The following MARK1 variants were observed in gnomAD, a reference collection of about 807,000 sequenced individuals.
MARK1 encodes serine/threonine-protein kinase MARK1.
In MARK1, 40 loss-of-function variants were observed where a neutral mutation model predicts 96.3. That is an observed-to-expected ratio of 0.42 (90% CI 0.32 to 0.54). MARK1 has a LOEUF of 0.54. Among genes scored for constraint, MARK1 ranks in the 20% least tolerant of loss-of-function variants. The pLI, the probability that MARK1 is intolerant of heterozygous loss-of-function variation, is 0.16. For missense variants in MARK1, 719 were observed against 984.6 expected (o/e 0.73, Z 3.61); for synonymous variants, 317 against 341.2 (o/e 0.93, Z 0.78).
chr1:220,592,263 T>TTATATTATATTATAC, intron 3 of MARK1, among the ~76,000 whole-genome samples: 1 of 143,210 alleles, frequency 7.0e-6, no homozygotes, highest in African/African-American at 2.7e-5. Context: ...TTATATTATA[T>TTATATTATATTATAC]TATATTATAC....
At chr1:220,542,803 G>A (rs1280578751) in intron 1 of MARK1, among the ~76,000 whole-genome samples, 1 of 152,060 alleles carries the variant, frequency 6.6e-6, no homozygotes, top group Admixed American at 6.6e-5. Context: ...CTATTTTGGA[G>A]TACCCCTTAT....
intron 1 of MARK1, among the ~76,000 whole-genome samples, chr1:220,535,781 T>C (rs1011046328): frequency 1.3e-5 from 2 of 152,162 alleles, no homozygotes; most frequent in Non-Finnish European, 2.9e-5. Flanking sequence ...CCTTTACCCA[T>C]TGTGAATTTT....
chr1:220,568,504 C>T (rs1298602141), intron 1 of MARK1, among the ~76,000 whole-genome samples: 4 of 151,886 alleles, frequency 2.6e-5, no homozygotes, highest in Non-Finnish European at 5.9e-5. Flanking sequence ...ATAGGGGGTC[C>T]GACTTTGTTA....
chr1:220,535,245 T>C (rs1319111381), intron 1 of MARK1, among the ~76,000 whole-genome samples: 1 of 152,156 alleles, frequency 6.6e-6, no homozygotes, highest in Non-Finnish European at 1.5e-5. Flanking sequence ...TTTTGTTTTA[T>C]GGTTTTTAAA....
At chr1:220,611,950 C>T (rs1290899013) in intron 6 of MARK1, among the ~76,000 whole-genome samples, 1 of 152,132 alleles carries the variant, frequency 6.6e-6, no homozygotes, top group Non-Finnish European at 1.5e-5. Context: ...CCAAGCTGGT[C>T]TTGAACTCCT....
chr1:220,617,795 T>C (rs947715295), intron 7 of MARK1, among the ~76,000 whole-genome samples: 2 of 152,158 alleles, frequency 1.3e-5, no homozygotes, highest in African/African-American at 4.8e-5. Context: ...TGAGAAAACA[T>C]TCTACAAGAG....
At position 220,662,381 on chromosome 1, in the gene MARK1, C is replaced by T; in HGVS notation, c.*215C>T. 1.9e-6 allele frequency: 1 copy of T among 534,690 alleles called. No individual in the cohort carries two copies. 33.1% of individuals were successfully genotyped at this position (534,690 alleles called of 1,614,324 possible). A position where few individuals can be genotyped will look rare whatever the true frequency, so the allele number is the denominator to read the frequency against. On this transcript the variant is annotated 3_prime_UTR_variant, in exon 18 of 18. Coordinates refer to ENST00000366917, the MANE Select transcript of MARK1 (RefSeq NM_018650.5). ...AGCTTAAAAAGTAGGTTCACATGTA[C>T]AGGTAAGTATATTGTGTATTTCTGT... is the stretch of plus-strand genomic sequence containing the variant.
chr1:220,600,550 C>G (rs1013602923), intron 5 of MARK1, among the ~76,000 whole-genome samples: 2 of 152,150 alleles, frequency 1.3e-5, no homozygotes, highest in African/African-American at 4.8e-5. Context: ...CTCAGAATCA[C>G]TTTTCTTTTA....
chr1:220,535,746 C>T (rs1392809567), intron 1 of MARK1, among the ~76,000 whole-genome samples: 1 of 152,084 alleles, frequency 6.6e-6, no homozygotes, highest in Admixed American at 6.5e-5. Flanking sequence ...TCCATTTTCC[C>T]AGCACCATTT....
chr1:220,634,898 T>C (rs747205771), intron 11 of MARK1, among the ~76,000 whole-genome samples: 1 of 152,208 alleles, frequency 6.6e-6, no homozygotes, highest in Non-Finnish European at 1.5e-5. Flanking sequence ...TGCATACATA[T>C]GTGTATATAC....
rs1020366288 is a variant in MARK1 at position 220,541,055 on chromosome 1, C to T, written c.51+12182C>T. On this transcript the variant is annotated intron_variant, in intron 1 of 17. Coordinates refer to ENST00000366917, the MANE Select transcript of MARK1 (RefSeq NM_018650.5). ...TTCAAGTGATTCTCTGCCTCAGCCT[C>T]CTGAGTAGCTGGAATTACAGGTGCC... Among the ~76,000 whole-genome samples, 12 of 152,004 alleles carry T rather than the reference C, an allele frequency of 7.9e-5. 1 individual carries two copies.
chr1:220,635,888 T>C lies in MARK1; in HGVS notation c.1332T>C (p.Ser444=). The change falls in exon 13 of 18, where the codon AGT becomes AGC. Residue 444 remains serine (S), a synonymous_variant. Transcript: ENST00000366917. ...ATACCAAAAGACCTCAGGCTAACAG[T>C]GTGGAAAGTGAACAGAAAGAGGAGT... The part of the protein sequence containing the change: ...VSYTKRPQAN[S]VESEQKEEWD... The C allele has an allele frequency of 6.2e-7, 1 of 1,613,768 alleles. No individual in the cohort carries two copies. Among genetic ancestry groups the C allele is most frequent in the Non-Finnish European group, 8.5e-7 (1 of 1,179,918 alleles).
chr1:220,626,076 T>C (rs1044561565), intron 9 of MARK1: 5 of 592,298 alleles, frequency 8.4e-6, no homozygotes, highest in Non-Finnish European at 1.6e-5. Context: ...AGTTGTCTAC[T>C]GGTGGCTCTC....
At chr1:220,579,632 G>A (rs1664098171) in intron 2 of MARK1, 75 bp downstream of exon 2, 12 of 1,188,066 alleles carry the variant, frequency 1.0e-5, no homozygotes, top group Non-Finnish European at 1.4e-5. Context: ...TATAGCCCAT[G>A]TTTGGGAGTA....
At chr1:220,637,992 A>G in intron 13 of MARK1, among the ~76,000 whole-genome samples, 1 of 152,070 alleles carries the variant, frequency 6.6e-6, no homozygotes, top group Admixed American at 6.5e-5. Flanking sequence ...TATGTATGAT[A>G]TGATTAGATT....
At position 220,650,610 on chromosome 1, in the gene MARK1, A is replaced by T. The variant is rs1419707958; in HGVS notation, c.1471-10A>T. On this transcript the variant is annotated splice_polypyrimidine_tract_variant and intron_variant, in intron 13 of 17. Transcript: ENST00000366917. ...ATAATTTTTTAATTGCCTTTTTTTT[A>T]TTCTTGAAGAACAATGTGTATTCTG... is the stretch of plus-strand genomic sequence containing the variant. 2 of 1,538,888 alleles carry T rather than the reference A, an allele frequency of 1.3e-6. No homozygotes were observed. The highest frequency in any genetic ancestry group is 1.8e-5 in the Admixed American group (1 of 55,696).
chr1:220,619,990 G>C (rs1473610028), intron 9 of MARK1, among the ~76,000 whole-genome samples: 3 of 152,194 alleles, frequency 2.0e-5, no homozygotes, highest in Non-Finnish European at 4.4e-5. Flanking sequence ...TGTGTACAGA[G>C]CTCTCAGGTT....
At chr1:220,559,981 A>G (rs1476663423) in intron 1 of MARK1, among the ~76,000 whole-genome samples, 1 of 152,152 alleles carries the variant, frequency 6.6e-6, no homozygotes, top group Non-Finnish European at 1.5e-5. Flanking sequence ...GTGATTTATA[A>G]GGAGAAAGAG....
chr1:220,536,225 C>T (rs1380844122), intron 1 of MARK1, among the ~76,000 whole-genome samples: 1 of 151,984 alleles, frequency 6.6e-6, no homozygotes, highest in East Asian at 1.9e-4. Flanking sequence ...AATTTTGCTT[C>T]TTTCTGATTT....
Sources: allele counts gnomAD v4.1 joint callset (sites outside exome capture counted in the v4.1 genomes callset), GRCh38; gene constraint gnomAD v4.1.1; transcripts MANE v1.5; gene names NCBI Gene and HGNC (gene_info 2026-07-23, HGNC 2026-07-21).